Variants in PDCD1LG2 observed in about 807,000 individuals in gnomAD.
The protein encoded by PDCD1LG2 is programmed cell death 1 ligand 2.
Under a neutral mutation model 28.2 loss-of-function variants are expected in PDCD1LG2, and 32 were observed. That is an observed-to-expected ratio of 1.13 (90% CI 0.86 to 1.52). PDCD1LG2 has a LOEUF of 1.52. Ranked by LOEUF, PDCD1LG2 falls within the 40% of genes most tolerant of loss-of-function variation. PDCD1LG2 has a pLI of 0.00. For missense variants in PDCD1LG2, 385 were observed against 323.8 expected (o/e 1.19, Z -1.45); for synonymous variants, 116 against 120.2 (o/e 0.97, Z 0.23).
chr9:5,567,814 T>C (rs1048635557), intron 6 of PDCD1LG2, among the ~76,000 whole-genome samples: 2 of 152,368 alleles, frequency 1.3e-5, no homozygotes, highest in South Asian at 4.1e-4. Context: ...TCATCCAAGA[T>C]TCTTACAATT....
At chr9:5,514,125 C>T (rs1486348032) in intron 1 of PDCD1LG2, among the ~76,000 whole-genome samples, 1 of 152,132 alleles carries the variant, frequency 6.6e-6, no homozygotes, top group Non-Finnish European at 1.5e-5. Flanking sequence ...TATTGTTACA[C>T]AAAGGAATGA....
chr9:5,570,358 G>A lies in PDCD1LG2; in HGVS notation c.*399G>A. 1 of 250,758 alleles carries A rather than the reference G, an allele frequency of 4.0e-6. No individual in the cohort carries two copies. Among genetic ancestry groups the A allele is most frequent in the Non-Finnish European group, 7.8e-6 (1 of 128,714 alleles). The allele number at this position is 250,758 out of a possible 1,614,324, so 15.5% of individuals were successfully genotyped here. A position where few individuals can be genotyped will look rare whatever the true frequency, so the allele number is the denominator to read the frequency against. ...AATTTCCAGTAACAGAAACAGATGGGTTGCCAATAGAGTTATTTTTTATCT... is the reference window on the plus strand; with the variant it reads ...AATTTCCAGTAACAGAAACAGATGGATTGCCAATAGAGTTATTTTTTATCT... On this transcript the variant is annotated 3_prime_UTR_variant, in exon 7 of 7. Transcript: ENST00000397747.
chr9:5,529,284 A>G (rs1005890779), intron 2 of PDCD1LG2, among the ~76,000 whole-genome samples: 2 of 152,152 alleles, frequency 1.3e-5, no homozygotes, highest in African/African-American at 4.8e-5. Flanking sequence ...TTGTAGTTGT[A>G]TATTCTATAT....
rs1365916463 is a variant in PDCD1LG2, at chr9:5,552,645, C to A, written c.631+3041C>A. ...CATCAGAGATATCTGATGCTTTATG[C>A]CAAATTAAAATTAATTTTTTCATGG... On this transcript the variant is annotated intron_variant, in intron 4 of 6. Transcript: ENST00000397747. Among the ~76,000 whole-genome samples the A allele has an allele frequency of 7.2e-5, 11 of 152,212 alleles. No individual in the cohort carries two copies. The South Asian group carries it at 1.0e-3, about 14-fold the overall frequency.
intron 3 of PDCD1LG2, among the ~76,000 whole-genome samples, chr9:5,546,902 C>T (rs980743641): frequency 2.0e-5 from 3 of 152,078 alleles, no homozygotes; most frequent in Admixed American, 6.6e-5. Context: ...AAGGGAGAGC[C>T]AAAGTGCACG....
chr9:5,549,679 T>A lies in PDCD1LG2; in HGVS notation c.631+75T>A, dbSNP rs546025690. The stretch of plus-strand genomic sequence containing the variant: ...AAACAGATGGCATACTCGAGTGATT[T>A]GAGGAGAGTGTAATAAAGGGACTGT... On this transcript the variant is annotated intron_variant, in intron 4 of 6. Transcript: ENST00000397747. 3 of 1,546,310 alleles carry A rather than the reference T, an allele frequency of 1.9e-6. No individual in the cohort carries two copies. The Admixed American group carries it at 5.3e-5, about 28-fold the overall frequency.
intron 4 of PDCD1LG2, among the ~76,000 whole-genome samples, chr9:5,554,910 AT>A (rs1816407209): frequency 2.0e-5 from 3 of 152,164 alleles, no homozygotes; most frequent in Admixed American, 6.5e-5. Context: ...CATGTGTAGC[AT>A]GAGGGTGAGT....
chr9:5,556,623 T>G (rs1226826258), intron 4 of PDCD1LG2, among the ~76,000 whole-genome samples: 1 of 152,188 alleles, frequency 6.6e-6, no homozygotes, highest in East Asian at 1.9e-4. Flanking sequence ...GATAGCACTG[T>G]GCTGGAGGTA....
chr9:5,549,098 C>A (rs757773028), intron 3 of PDCD1LG2, among the ~76,000 whole-genome samples: 1 of 152,114 alleles, frequency 6.6e-6, no homozygotes, highest in Non-Finnish European at 1.5e-5. Flanking sequence ...CTTCAGTAAC[C>A]GTCCACAAGA....
At chr9:5,543,396 G>A (rs1486078087) in intron 3 of PDCD1LG2, among the ~76,000 whole-genome samples, 4 of 152,052 alleles carry the variant, frequency 2.6e-5, no homozygotes, top group South Asian at 2.1e-4. Context: ...AAAATTAGCC[G>A]GGCGTGGTGG....
At chr9:5,546,425 GATAAATA>G (rs1441912464) in intron 3 of PDCD1LG2, among the ~76,000 whole-genome samples, 1 of 152,188 alleles carries the variant, frequency 6.6e-6, no homozygotes, top group Non-Finnish European at 1.5e-5. Context: ...AATAAGTGTA[GATAAATA>G]ATACAAAATG....
At chr9:5,538,367 T>G (rs1820622613) in intron 3 of PDCD1LG2, among the ~76,000 whole-genome samples, 1 of 152,072 alleles carries the variant, frequency 6.6e-6, no homozygotes, top group Non-Finnish European at 1.5e-5. Context: ...GAAACTATAT[T>G]GTACTATATA....
chr9:5,546,127 G>A (rs569780366), intron 3 of PDCD1LG2, among the ~76,000 whole-genome samples: 59 of 152,208 alleles, frequency 3.9e-4, no homozygotes, highest in African/African-American at 1.4e-3. Context: ...TTCTTGTAGT[G>A]GAAGAGCTCT....
rs150069126 is a variant in PDCD1LG2, at chr9:5,570,194, C to A, written c.*235C>A. On this transcript the variant is annotated 3_prime_UTR_variant, in exon 7 of 7. Coordinates refer to ENST00000397747, the MANE Select transcript of PDCD1LG2 (RefSeq NM_025239.4). ...AGCCTATGGCTTTAAGCAAGCACTACTGCACTTTACAGAATTACCCCACTG... is the reference window on the plus strand; with the variant it reads ...AGCCTATGGCTTTAAGCAAGCACTAATGCACTTTACAGAATTACCCCACTG... 4 of 479,256 alleles carry A rather than the reference C, an allele frequency of 8.3e-6. No homozygotes were observed. Among genetic ancestry groups the A allele is most frequent in the Middle Eastern group, 3.3e-4 (1 of 3,076 alleles). 29.7% of individuals were successfully genotyped at this position (479,256 alleles called of 1,614,324 possible).
intron 5 of PDCD1LG2, among the ~76,000 whole-genome samples, chr9:5,560,445 T>C (rs1245505103): frequency 6.6e-6 from 1 of 152,208 alleles, no homozygotes; most frequent in East Asian, 1.9e-4. Context: ...TGTGCAAAGG[T>C]AACCTTGCTG....
chr9:5,556,730 T>C (rs1276948446), intron 4 of PDCD1LG2, among the ~76,000 whole-genome samples: 5 of 152,154 alleles, frequency 3.3e-5, no homozygotes, highest in Non-Finnish European at 7.4e-5. Context: ...GTTTATTCCA[T>C]GTGAATGACT....
rs183509043 is a variant in PDCD1LG2, at chr9:5,539,199, A to T, written c.361+4149A>T. On this transcript the variant is annotated intron_variant, in intron 3 of 6. Transcript: ENST00000397747. ...ATAGAAACTTATGAAAAATTATAAG[A>T]ATCAACTTAATAGGTGAGAAGAGCA... Among the ~76,000 whole-genome samples, 11 of 152,310 alleles carry T rather than the reference A, an allele frequency of 7.2e-5. No homozygotes were observed. The East Asian group carries it at 2.1e-3, about 29-fold the overall frequency.
chr9:5,556,264 A>G (rs1816440108), intron 4 of PDCD1LG2, among the ~76,000 whole-genome samples: 1 of 152,222 alleles, frequency 6.6e-6, no homozygotes, highest in South Asian at 2.1e-4. Context: ...GGGGACAGTG[A>G]GAGGCCCAGG....
intron 1 of PDCD1LG2, among the ~76,000 whole-genome samples, chr9:5,516,090 C>G (rs961051929): frequency 6.6e-6 from 1 of 151,914 alleles, no homozygotes; most frequent in Non-Finnish European, 1.5e-5. Context: ...CTCACTCTGT[C>G]ACCAGGGCTG....
Sources: gnomAD v4.1 joint callset for allele counts (sites outside exome capture counted in the v4.1 genomes callset) on GRCh38, gnomAD v4.1.1 for gene constraint, MANE v1.5 for transcripts, NCBI Gene and HGNC (gene_info 2026-07-23, HGNC 2026-07-21) for gene names.